Variants in PRRC2C observed in about 807,000 individuals in gnomAD.
PRRC2C encodes the protein proline rich coiled-coil 2C.
Under a neutral mutation model 317.2 loss-of-function variants are expected in PRRC2C, and 72 were observed. The observed-to-expected ratio is 0.23, with a 90% confidence interval of 0.19 to 0.28. The LOEUF (loss-of-function observed/expected upper bound fraction) is 0.28. Ranked by LOEUF, PRRC2C falls within the 10% of genes least tolerant of loss-of-function variation. The pLI is 1.00. For missense variants in PRRC2C, 3,074 were observed against 3,459.7 expected (o/e 0.89, Z 2.80); for synonymous variants, 1,296 against 1,205.9 (o/e 1.07, Z -1.55).
At position 171,504,992 on chromosome 1, in the gene PRRC2C, G is replaced by A. The variant is rs138834624; in HGVS notation, c.-57-7040G>A. Among the ~76,000 whole-genome samples the A allele has an allele frequency of 6.4e-3, 966 of 150,080 alleles. 10 individuals are homozygous for A. The highest frequency in any genetic ancestry group is 0.018 in the African/African-American group (749 of 40,830). ...GTAGTGTTCAATGTGTAGGTCTTAC[G>A]TATCTTTTGTCAGATGTATCCCTAA... On this transcript the variant is annotated intron_variant, in intron 1 of 34. Transcript: ENST00000647382.
intron 19 of PRRC2C, among the ~76,000 whole-genome samples, chr1:171,559,086 A>G (rs974394127): frequency 1.1e-4 from 17 of 152,350 alleles, no homozygotes; most frequent in Admixed American, 6.5e-4. Flanking sequence ...TGCCAAAGAA[A>G]AGTTTGAACC....
chr1:171,498,857 G>T (rs1668581785), intron 1 of PRRC2C, among the ~76,000 whole-genome samples: 1 of 152,154 alleles, frequency 6.6e-6, no homozygotes, highest in Admixed American at 6.5e-5. Context: ...TTGTTGCCCA[G>T]CAGTTGCGAT....
chr1:171,551,943 G>A (rs894636462), intron 18 of PRRC2C, among the ~76,000 whole-genome samples: 16 of 152,150 alleles, frequency 1.1e-4, no homozygotes, highest in East Asian at 9.7e-4. Flanking sequence ...TTGGCAATGC[G>A]GGCTCTTTTT....
intron 6 of PRRC2C, among the ~76,000 whole-genome samples, chr1:171,520,952 G>A (rs1291696505): frequency 6.6e-6 from 1 of 151,666 alleles, no homozygotes; most frequent in Non-Finnish European, 1.5e-5. Flanking sequence ...TTACAGGCAC[G>A]CCCACCACAC....
At chr1:171,514,408 T>G in intron 3 of PRRC2C, 128 bp from the exon 4 acceptor site, 3 of 686,874 alleles carry the variant, frequency 4.4e-6, no homozygotes, top group Non-Finnish European at 7.3e-6. Context: ...GAGAAAACAT[T>G]TATTGGAGAT....
chr1:171,589,795 T>G (rs1453110185), intron 34 of PRRC2C, among the ~76,000 whole-genome samples, 190 bp downstream of exon 34: 5 of 151,958 alleles, frequency 3.3e-5, no homozygotes, highest in South Asian at 2.1e-4. Context: ...ATCTTTTTTT[T>G]CTTTTTGTTT....
At chr1:171,568,518 T>C (rs1405491313) in intron 23 of PRRC2C, among the ~76,000 whole-genome samples, 179 bp downstream of exon 23, 1 of 152,140 alleles carries the variant, frequency 6.6e-6, no homozygotes, top group Non-Finnish European at 1.5e-5. Flanking sequence ...AAAGCTGAGT[T>C]TTTTATTTTT....
Position 171,542,086 on chromosome 1 carries a change from T to G in PRRC2C, c.4620T>G (p.Ile1540Met), listed in dbSNP as rs756187777. Reference protein sequence around the residue: ...GENVLPPKREIAKRSFSSQRP... With the variant: ...GENVLPPKREMAKRSFSSQRP... ...ATGTTCTACCTCCAAAGAGGGAAAT[T>G]GCAAAGAGAAGTTTTTCTAGTCAGA... Residue 1540 changes from isoleucine (I) to methionine (M), a missense_variant, in exon 16 of 35, where the codon ATT becomes ATG. This residue lies in a region of PRRC2C where 178 missense variants were observed against 163.0 expected (regional missense o/e 1.09). Transcript: ENST00000647382. 8 of 1,613,882 alleles carry G rather than the reference T, an allele frequency of 5.0e-6. No homozygotes were observed. Among genetic ancestry groups the G allele is most frequent in the Non-Finnish European group, 5.1e-6 (6 of 1,179,878 alleles).
In PRRC2C at chr1:171,557,603, A is replaced by T; in HGVS notation, c.5491A>T (p.Thr1831Ser). ...VPASTSAAAI[T>S]SSSAPASAPA... ...AGCCTCTACTTCAGCTGCAGCTATA[A>T]CCTCTTCTTCAGCTCCAGCCTCAGC... The change falls in exon 19 of 35, where the codon ACC becomes TCC. Residue 1831 changes from threonine to serine, a missense_variant. Physicochemically the swap from Thr to Ser is moderately conservative, Grantham distance 58. Transcript: ENST00000647382. The T allele has an allele frequency of 6.4e-7, 1 of 1,551,326 alleles. No homozygotes were observed. The highest frequency in any genetic ancestry group is 1.2e-5 in the South Asian group (1 of 84,030).
chr1:171,550,248 T>C lies in PRRC2C; in HGVS notation c.5127+8T>C. ...GAAGAACAAGTCATACAGGTTTAAATCTTGTTTCAACTTGTTGCTAGTTAT... is the reference window on the plus strand; with the variant it reads ...GAAGAACAAGTCATACAGGTTTAAACCTTGTTTCAACTTGTTGCTAGTTAT... On this transcript the variant is annotated splice_region_variant and intron_variant, in intron 18 of 34. Coordinates refer to ENST00000647382, the MANE Select transcript of PRRC2C (RefSeq NM_001387844.1). 1.3e-6 allele frequency: 2 copies of C among 1,566,604 alleles called. No individual in the cohort carries two copies. The highest frequency in any genetic ancestry group is 1.9e-5 in the Admixed American group (1 of 52,498).
At chr1:171,538,798 A>T (rs540572485) in intron 15 of PRRC2C, among the ~76,000 whole-genome samples, 1 of 151,850 alleles carries the variant, frequency 6.6e-6, no homozygotes, top group East Asian at 1.9e-4. Context: ...TGCAGCCTTG[A>T]CCTCCCAGGC....
At chr1:171,561,283 T>C (rs1213571833) in intron 20 of PRRC2C, among the ~76,000 whole-genome samples, 180 bp downstream of exon 20, 3 of 152,082 alleles carry the variant, frequency 2.0e-5, no homozygotes, top group African/African-American at 7.2e-5. Flanking sequence ...GAAGACCCTG[T>C]CTCTACATAC....
Position 171,591,738 on chromosome 1 carries a change from A to G in PRRC2C, c.8588A>G (p.Gln2863Arg). Residue 2863 changes from glutamine (Q) to arginine (R), a missense_variant, in exon 35 of 35, where the codon CAG becomes CGG. Transcript: ENST00000647382. ...CTGACCGACCCTCCTGGGGTCTGTC[A>G]GGAAAAAGTAGAAGAAAAGCCACCC... ...ETLTDPPGVC[Q>R]EKVEEKPPPA... The G allele has an allele frequency of 6.2e-7, 1 of 1,613,950 alleles. No homozygotes were observed. The highest frequency in any genetic ancestry group is 8.5e-7 in the Non-Finnish European group (1 of 1,179,882).
At chr1:171,564,342 C>T (rs1180691674) in intron 20 of PRRC2C, among the ~76,000 whole-genome samples, 1 of 152,100 alleles carries the variant, frequency 6.6e-6, no homozygotes, top group Non-Finnish European at 1.5e-5. Context: ...ATATAACATT[C>T]TCTAACAGTC....
At chr1:171,513,217 G>A (rs980972777) in intron 3 of PRRC2C, 45 bp downstream of exon 3, 3 of 1,547,770 alleles carry the variant, frequency 1.9e-6, no homozygotes, top group East Asian at 4.7e-5. Context: ...CCCTTTCTTT[G>A]TAGGGAACTT....
In PRRC2C at chr1:171,537,189, C is replaced by T. The variant is rs942445016; in HGVS notation, c.2294-74C>T. On this transcript the variant is annotated intron_variant, in intron 14 of 34. Transcript: ENST00000647382. ...CACCTAACAATTAATAACCTGTATT[C>T]TATGTCTATCATGGTTTTGTTTCGT... 4.8e-5 allele frequency: 55 copies of T among 1,153,704 alleles called. No homozygotes were observed. In the Middle Eastern group the frequency reaches 1.5e-3, roughly 31 times the overall value. The allele number at this position is 1,153,704 out of a possible 1,614,324, so 71.5% of individuals were successfully genotyped here. A position where few individuals can be genotyped will look rare whatever the true frequency, so the allele number is the denominator to read the frequency against.
intron 2 of PRRC2C, 32 bp downstream of exon 2, chr1:171,512,232 C>T (rs766947772): frequency 1.2e-5 from 17 of 1,425,776 alleles, no homozygotes; most frequent in Non-Finnish European, 1.6e-5. Context: ...TTATGTTTTT[C>T]ATGGTTTGTT....
intron 26 of PRRC2C, among the ~76,000 whole-genome samples, chr1:171,578,583 G>C (rs1162165744): frequency 6.6e-6 from 1 of 151,886 alleles, no homozygotes; most frequent in Non-Finnish European, 1.5e-5. Context: ...AAAACAGCGA[G>C]TCAGCTAGGC....
intron 10 of PRRC2C, 94 bp downstream of exon 10, chr1:171,525,059 G>A: frequency 9.6e-7 from 1 of 1,041,452 alleles, no homozygotes; most frequent in Non-Finnish European, 1.3e-6. Context: ...ACCACAGAGT[G>A]GAACGGGACT....
Sources: allele counts gnomAD v4.1 joint callset (sites outside exome capture counted in the v4.1 genomes callset), GRCh38; gene constraint gnomAD v4.1.1; regional missense constraint gnomAD v4.1.1; transcripts MANE v1.5; gene names NCBI Gene and HGNC (gene_info 2026-07-23, HGNC 2026-07-21).